Variants in STPG2 observed in about 807,000 individuals in gnomAD.
STPG2 encodes sperm-tail PG-rich repeat-containing protein 2.
STPG2 carries 56 observed loss-of-function variants against 54.2 expected under a neutral mutation model. The observed-to-expected ratio is 1.03, with a 90% confidence interval of 0.83 to 1.29. The LOEUF (loss-of-function observed/expected upper bound fraction) is 1.29. STPG2 is among the 50% of genes most tolerant of loss of function. The pLI, the probability that STPG2 is intolerant of heterozygous loss-of-function variation, is 0.00. For synonymous variants in STPG2, 200 were observed against 181.8 expected (o/e 1.10, Z -0.81); for missense variants, 596 against 544.9 (o/e 1.09, Z -0.93).
intron 10 of STPG2, among the ~76,000 whole-genome samples, chr4:97,689,560 G>A (rs1289494023): frequency 1.3e-5 from 2 of 151,998 alleles, no homozygotes; most frequent in Non-Finnish European, 2.9e-5. Context: ...ACTATTAAAT[G>A]GTGCATTTGC....
intron 4 of STPG2, among the ~76,000 whole-genome samples, chr4:97,464,384 T>C (rs908632968): frequency 4.6e-5 from 7 of 152,128 alleles, no homozygotes; most frequent in African/African-American, 1.4e-4. Context: ...GGTGCCACTG[T>C]TCATTCTGGA....
intron 8 of STPG2, among the ~76,000 whole-genome samples, chr4:97,934,181 A>G (rs1435232781): frequency 6.6e-6 from 1 of 152,162 alleles, no homozygotes; most frequent in East Asian, 1.9e-4. Flanking sequence ...GTTGGTGTAT[A>G]GGAATACTTG....
chr4:97,447,578 G>A (rs1012311162), intron 4 of STPG2, among the ~76,000 whole-genome samples: 6 of 152,156 alleles, frequency 3.9e-5, no homozygotes, highest in African/African-American at 1.2e-4. Context: ...TGGCTAAAAC[G>A]GGCAAGGTAT....
chr4:98,038,161 T>C (rs1736831463), intron 5 of STPG2, among the ~76,000 whole-genome samples: 1 of 152,040 alleles, frequency 6.6e-6, no homozygotes, highest in Non-Finnish European at 1.5e-5. Flanking sequence ...AGGCACATGT[T>C]ACTGCACCTG....
intron 5 of STPG2, among the ~76,000 whole-genome samples, chr4:98,041,056 G>C (rs1736938634): frequency 6.6e-6 from 1 of 151,368 alleles, no homozygotes; most frequent in Non-Finnish European, 1.5e-5. Context: ...TCACTTCCTT[G>C]GTTAAATATA....
chr4:97,792,727 T>C (rs1240217758), intron 9 of STPG2, among the ~76,000 whole-genome samples: 1 of 152,180 alleles, frequency 6.6e-6, no homozygotes, highest in East Asian at 1.9e-4. Context: ...CTCCTTTCTG[T>C]TGTAACTTTA....
intron 8 of STPG2, among the ~76,000 whole-genome samples, chr4:97,907,839 C>A (rs1047876616): frequency 1.3e-5 from 2 of 152,044 alleles, no homozygotes; most frequent in Non-Finnish European, 2.9e-5. Flanking sequence ...AACTGGATCC[C>A]TTCCTTACAC....
intron 5 of STPG2, among the ~76,000 whole-genome samples, chr4:98,043,725 C>G (rs568685591): frequency 6.6e-6 from 1 of 152,016 alleles, no homozygotes; most frequent in Non-Finnish European, 1.5e-5. Context: ...TTACTTAAAA[C>G]AATTAGGATT....
At chr4:97,863,313 A>G (rs1170600093) in intron 8 of STPG2, among the ~76,000 whole-genome samples, 1 of 152,210 alleles carries the variant, frequency 6.6e-6, no homozygotes, top group Admixed American at 6.6e-5. Context: ...AGAATACTAT[A>G]AACACCTCTA....
downstream of STPG2, among the ~76,000 whole-genome samples, chr4:97,555,761 T>C (rs141465280): frequency 4.1e-3 from 631 of 152,208 alleles, 3 homozygotes; most frequent in South Asian, 0.02. Context: ...ATAGGTAGTA[T>C]AGAACAGATT....
At chr4:97,979,589 A>G (rs1238502633) in intron 6 of STPG2, among the ~76,000 whole-genome samples, 1 of 152,166 alleles carries the variant, frequency 6.6e-6, no homozygotes, top group Non-Finnish European at 1.5e-5. Flanking sequence ...TACCTGACTT[A>G]GATGACAAGA....
chr4:97,609,534 A>G (rs190885704), intron 10 of STPG2, among the ~76,000 whole-genome samples: 2 of 152,126 alleles, frequency 1.3e-5, no homozygotes, highest in East Asian at 3.9e-4. Context: ...CATCCTGAGC[A>G]TATCAGTGAG....
intron 9 of STPG2, among the ~76,000 whole-genome samples, chr4:97,753,016 C>T (rs912409498): frequency 1.2e-4 from 18 of 151,856 alleles, no homozygotes; most frequent in South Asian, 8.3e-4. Flanking sequence ...TGACTAGACT[C>T]ACTTCAAATT....
intron 7 of STPG2, among the ~76,000 whole-genome samples, chr4:97,956,340 TTTTA>T (rs1376915880): frequency 2.0e-5 from 3 of 152,210 alleles, no homozygotes; most frequent in East Asian, 1.9e-4. Flanking sequence ...TTGATTAATA[TTTTA>T]TTTGATTATA....
chr4:97,900,118 C>T (rs1288615381), intron 8 of STPG2, among the ~76,000 whole-genome samples: 4 of 152,060 alleles, frequency 2.6e-5, no homozygotes, highest in Non-Finnish European at 5.9e-5. Flanking sequence ...AGGACATGAA[C>T]AGATACTTTT....
chr4:97,669,567 C>T (rs1017216526), intron 10 of STPG2, among the ~76,000 whole-genome samples: 1 of 26,600 alleles, frequency 3.8e-5, no homozygotes, highest in Non-Finnish European at 6.8e-5. Context: ...GAGGCCGAGG[C>T]GGGTGGATCA....
Position 97,598,193 on chromosome 4 carries a change from T to C in STPG2, c.1321-39076A>G, listed in dbSNP as rs191206716. Among the ~76,000 whole-genome samples, 504 of 151,838 alleles carry C rather than the reference T, an allele frequency of 3.3e-3. 3 individuals are homozygous for C. The highest frequency in any genetic ancestry group is 0.011 in the African/African-American group (476 of 41,428). The stretch of plus-strand genomic sequence containing the variant: ...TACAGCTAACAGGGAAGGTGAAATA[T>C]CTCTACAGAAAAATTACAAAAGACT... On this transcript the variant is annotated intron_variant, in intron 10 of 10. Coordinates refer to ENST00000295268, the MANE Select transcript of STPG2 (RefSeq NM_174952.3).
chr4:97,837,774 T>C (rs1228547805), intron 9 of STPG2, among the ~76,000 whole-genome samples: 1 of 151,600 alleles, frequency 6.6e-6, no homozygotes, highest in Admixed American at 6.6e-5. Flanking sequence ...TATTTCTAAA[T>C]AAAGATGTAA....
chr4:97,912,428 C>T (rs1405846025), intron 8 of STPG2, among the ~76,000 whole-genome samples: 1 of 152,098 alleles, frequency 6.6e-6, no homozygotes, highest in African/African-American at 2.4e-5. Flanking sequence ...CAAGATAAAA[C>T]AATACAGGAG....
Sources: gnomAD v4.1 joint callset for allele counts (sites outside exome capture counted in the v4.1 genomes callset) on GRCh38, gnomAD v4.1.1 for gene constraint, MANE v1.5 for transcripts, NCBI Gene and HGNC (gene_info 2026-07-23, HGNC 2026-07-21) for gene names.